The following TENM2 variants were observed in gnomAD, a reference collection of about 807,000 sequenced individuals.
TENM2 encodes the protein teneurin-2.
Under a neutral mutation model 245.2 loss-of-function variants are expected in TENM2, and 52 were observed. The ratio of observed to expected loss-of-function variants is 0.21; its 90% CI spans 0.17 to 0.27. The LOEUF is 0.27. Among genes scored for constraint, TENM2 ranks in the 10% least tolerant of loss-of-function variants. The pLI is 1.00. For synonymous variants in TENM2, 1,363 were observed against 1,438.9 expected (o/e 0.95, Z 1.19); for missense variants, 3,046 against 3,666.8 (o/e 0.83, Z 4.37).
At position 168,228,520 on chromosome 5, in the gene TENM2, A is replaced by G. The variant is rs1370879017; in HGVS notation, c.5520+390A>G. Reference sequence around the variant, plus strand: ...TTTCACTGTCTGGCCAGTTCAACCAATGAATTGGTGTTCGTGCCTACTATG... The same window carrying G: ...TTTCACTGTCTGGCCAGTTCAACCAGTGAATTGGTGTTCGTGCCTACTATG... On this transcript the variant is annotated intron_variant, in intron 25 of 28. Coordinates refer to ENST00000518659, the Ensembl canonical transcript of TENM2. Among the ~76,000 whole-genome samples, 6 of 88,696 alleles carry G rather than the reference A, an allele frequency of 6.8e-5. No individual in the cohort carries two copies. In the East Asian group the frequency reaches 3.9e-3, roughly 58 times the overall value. The allele number at this position is 88,696 out of a possible 152,430, so 58.2% of individuals were successfully genotyped here.
At chr5:167,177,587 T>C in the TENM2 span, among the ~76,000 whole-genome samples, 1 of 152,192 alleles carries the variant, frequency 6.6e-6, no homozygotes, top group Non-Finnish European at 1.5e-5. Flanking sequence ...AGTGCCTTGG[T>C]CTTATCCTAG....
chr5:166,996,576 T>C, the TENM2 span, among the ~76,000 whole-genome samples: 1 of 152,202 alleles, frequency 6.6e-6, no homozygotes, highest in African/African-American at 2.4e-5. Flanking sequence ...ACAGAAAAAG[T>C]TTGCTGGCCT....
intron 2 of TENM2, among the ~76,000 whole-genome samples, chr5:167,594,603 G>A (rs1776077797): frequency 6.6e-6 from 1 of 152,148 alleles, no homozygotes; most frequent in African/African-American, 2.4e-5. Context: ...GTTAAAAAGA[G>A]CAATCTTTAA....
intron 24 of TENM2, 103 bp downstream of exon 26, chr5:168,226,366 AC>A: frequency 2.1e-6 from 2 of 944,118 alleles, no homozygotes; most frequent in Non-Finnish European, 3.2e-6. Context: ...ACTTCCAGAG[AC>A]CCAGCGTACC....
Position 168,203,250 on chromosome 5 carries a change from C to T in TENM2, c.3431-439C>T, listed in dbSNP as rs142330372. ...GAATCTCCATGTCAATGAGCCAGTA[C>T]GATCCCAAAGGGCTTTCTCCTAGTA... On this transcript the variant is annotated intron_variant, in intron 17 of 28. Transcript: ENST00000518659. 5.3e-3 allele frequency among the ~76,000 whole-genome samples: 809 copies of T among 152,284 alleles called. 10 individuals are homozygous for T. The highest frequency in any genetic ancestry group is 0.018 in the African/African-American group (754 of 41,562).
At chr5:167,998,953 A>G (rs1463193836) in intron 5 of TENM2, among the ~76,000 whole-genome samples, 1 of 152,184 alleles carries the variant, frequency 6.6e-6, no homozygotes, top group Non-Finnish European at 1.5e-5. Flanking sequence ...TTGAAAATTG[A>G]TATGTTGAGA....
At chr5:167,622,604 G>A (rs1337383533) in intron 2 of TENM2, among the ~76,000 whole-genome samples, 1 of 152,102 alleles carries the variant, frequency 6.6e-6, no homozygotes, top group Non-Finnish European at 1.5e-5. Context: ...TCAACATTAA[G>A]CCATTCCACA....
At chr5:167,237,364 G>A in the TENM2 span, among the ~76,000 whole-genome samples, 1 of 152,236 alleles carries the variant, frequency 6.6e-6, no homozygotes, top group African/African-American at 2.4e-5. Flanking sequence ...TTCACTTGTT[G>A]ACACCTGTGG....
rs368935531 is a variant in TENM2 at position 167,478,137 on chromosome 5, G to A, written c.502+102664G>A. Among the ~76,000 whole-genome samples, 12 of 152,266 alleles carry A rather than the reference G, an allele frequency of 7.9e-5. No individual in the cohort carries two copies. The East Asian group carries it at 1.4e-3, about 17-fold the overall frequency. On this transcript the variant is annotated intron_variant, in intron 2 of 28. Transcript: ENST00000518659. ...AGTTGCAGTGTGGTTCTTGTATATC[G>A]TTGAAGGACTGAAACAAACAAGGCT...
At chr5:167,763,133 C>T (rs1256385450) in intron 2 of TENM2, among the ~76,000 whole-genome samples, 1 of 152,198 alleles carries the variant, frequency 6.6e-6, no homozygotes, top group Non-Finnish European at 1.5e-5. Flanking sequence ...TTCCAGCTCT[C>T]TTGCTGAAGG....
chr5:167,121,494 A>G, the TENM2 span, among the ~76,000 whole-genome samples: 1 of 152,224 alleles, frequency 6.6e-6, no homozygotes, highest in African/African-American at 2.4e-5. Flanking sequence ...AGGAATAGAA[A>G]GAAGGCCTGC....
intron 21 of TENM2, 122 bp from the exon 24 acceptor site, chr5:168,216,646 A>C: frequency 3.5e-6 from 3 of 867,866 alleles, no homozygotes; most frequent in Admixed American, 2.0e-5. Context: ...TGAGGGTACT[A>C]ATCAATTCCA....
intron 2 of TENM2, among the ~76,000 whole-genome samples, chr5:167,776,269 T>C (rs912979002): frequency 4.7e-5 from 7 of 150,526 alleles, no homozygotes; most frequent in African/African-American, 1.7e-4. Context: ...AGTCATAAAA[T>C]TCAGACTATA....
chr5:167,659,112 A>T (rs1755039363), intron 2 of TENM2, among the ~76,000 whole-genome samples: 1 of 152,242 alleles, frequency 6.6e-6, no homozygotes. Context: ...ATACTGTGAC[A>T]GTAAGCAGCC....
At chr5:168,236,213 A>G (rs905169342) in intron 25 of TENM2, among the ~76,000 whole-genome samples, 4 of 152,190 alleles carry the variant, frequency 2.6e-5, no homozygotes, top group Non-Finnish European at 5.9e-5. Context: ...CTTGGACACT[A>G]GGAAATATAC....
intron 15 of TENM2, among the ~76,000 whole-genome samples, chr5:168,196,819 A>G (rs1446522380): frequency 6.6e-6 from 1 of 152,194 alleles, no homozygotes; most frequent in East Asian, 1.9e-4. Flanking sequence ...CCATGAAACA[A>G]CAGAAGGAGA....
chr5:167,915,830 A>G (rs1325227361), intron 3 of TENM2, among the ~76,000 whole-genome samples: 1 of 152,198 alleles, frequency 6.6e-6, no homozygotes, highest in African/African-American at 2.4e-5. Flanking sequence ...TTGGGAGGGT[A>G]ATTACTCTTC....
At chr5:167,549,835 A>G (rs530378719) in intron 2 of TENM2, among the ~76,000 whole-genome samples, 31 of 151,954 alleles carry the variant, frequency 2.0e-4, no homozygotes, top group Non-Finnish European at 3.8e-4. Context: ...CTTTCGTTCC[A>G]TTATACTTCT....
At chr5:167,014,038 A>G in the TENM2 span, among the ~76,000 whole-genome samples, 3 of 152,066 alleles carry the variant, frequency 2.0e-5, no homozygotes, top group African/African-American at 7.2e-5. Flanking sequence ...ATGAATCAGG[A>G]TTGAAATGCA....
Sources: gnomAD v4.1 joint callset for allele counts (sites outside exome capture counted in the v4.1 genomes callset) on GRCh38, gnomAD v4.1.1 for gene constraint, MANE v1.5 for transcripts, NCBI Gene and HGNC (gene_info 2026-07-23, HGNC 2026-07-21) for gene names.